The following PIEZO1 variants were observed in gnomAD, a reference collection of about 807,000 sequenced individuals.
The protein encoded by PIEZO1 is piezo-type mechanosensitive ion channel component 1.
PIEZO1 carries 296 observed loss-of-function variants against 297.2 expected under a neutral mutation model. The observed-to-expected ratio is 1.00, with a 90% CI of 0.91 to 1.10. The LOEUF (loss-of-function observed/expected upper bound fraction) is 1.10. PIEZO1 is among the 50% of genes least tolerant of loss of function. PIEZO1 has a pLI of 0.00. For missense variants in PIEZO1, 5,018 were observed against 3,455.5 expected (o/e 1.45, Z -11.34); for synonymous variants, 2,427 against 1,507.5 (o/e 1.61, Z -14.13).
At chr16:88,758,607 G>A (rs1353261503) in intron 1 of PIEZO1, among the ~76,000 whole-genome samples, 2 of 152,218 alleles carry the variant, frequency 1.3e-5, no homozygotes, top group African/African-American at 4.8e-5. Context: ...GAACAGCCTC[G>A]GCACCCACCT....
chr16:88,743,487 A>G (rs1437284287), intron 2 of PIEZO1: 3 of 452,552 alleles, frequency 6.6e-6, no homozygotes, highest in Non-Finnish European at 1.3e-5. Context: ...GAGCTCAGGG[A>G]CAGGTAGCAT....
chr16:88,766,382 C>T (rs1426068870), intron 1 of PIEZO1, among the ~76,000 whole-genome samples: 4 of 152,190 alleles, frequency 2.6e-5, no homozygotes, highest in Non-Finnish European at 4.4e-5. Context: ...GAACTTCAGA[C>T]GTGACAGCCC....
At chr16:88,750,506 C>T (rs1906334593) in intron 1 of PIEZO1, among the ~76,000 whole-genome samples, 1 of 152,254 alleles carries the variant, frequency 6.6e-6, no homozygotes, top group Admixed American at 6.5e-5. Flanking sequence ...TCCTGCCTGT[C>T]CCAGAAGGTC....
intron 1 of PIEZO1, among the ~76,000 whole-genome samples, chr16:88,757,256 C>T (rs1414808476): frequency 2.1e-5 from 3 of 142,288 alleles, no homozygotes; most frequent in Non-Finnish European, 4.5e-5. Context: ...GGAGGGACCT[C>T]GAGAGAGCTG....
chr16:88,759,327 AAGGGGCCGGGTG>A (rs1395204459), intron 1 of PIEZO1, among the ~76,000 whole-genome samples: 9 of 152,182 alleles, frequency 5.9e-5, no homozygotes, highest in African/African-American at 2.2e-4. Context: ...GAAGCTCTGA[AAGGGGCCGGGTG>A]AGGGCAGGCG....
rs1462890683 is a variant in PIEZO1 at position 88,726,335 on chromosome 16, T to G, written c.3917A>C (p.Tyr1306Ser). ...LLQRRVFLSH[Y>S]YLHVRADLQA... is the part of the protein sequence containing the mutation. ...GAGGTCGGCCCTGACGTGCAGGTAG[T>G]AATGGCTAAGGAAGACGCGGCGCTG... Residue 1306 changes from tyrosine (Y) to serine (S), a missense_variant, in exon 27 of 51, where the codon TAC becomes TCC. Coordinates refer to ENST00000301015, the MANE Select transcript of PIEZO1 (RefSeq NM_001142864.4). The G allele has an allele frequency of 6.5e-7, 1 of 1,550,314 alleles. No homozygotes were observed. The highest frequency in any genetic ancestry group is 8.7e-7 in the Non-Finnish European group (1 of 1,146,926).
intron 44 of PIEZO1, 171 bp downstream of exon 44, chr16:88,719,403 A>C (rs1158314357): frequency 4.8e-6 from 3 of 628,388 alleles, no homozygotes; most frequent in Non-Finnish European, 8.3e-6. Flanking sequence ...GCAGCTGCCA[A>C]GATCACTGGC....
rs1248010057 is a variant in PIEZO1 at position 88,721,368 on chromosome 16, C to G, written c.5466G>C (p.Glu1822Asp). Residue 1822 changes from glutamate (E) to aspartate (D), a missense_variant, in exon 39 of 51, where the codon GAG (glutamate) becomes GAC (aspartate). By Grantham distance (45) the Glu-to-Asp change is conservative. Coordinates refer to ENST00000301015, the MANE Select transcript of PIEZO1 (RefSeq NM_001142864.4). The part of the protein sequence containing the change: ...SPSKEHDKSG[E>D]EEQGAEEGPG... ...GCCCCTCCTCGGCTCCCTGCTCCTC[C>G]TCGCCGCTCTTGTCATGCTCCTTGG... 2.6e-6 allele frequency: 4 copies of G among 1,549,458 alleles called. No individual in the cohort carries two copies.
chr16:88,743,672 T>A (rs1905850538), intron 2 of PIEZO1: 1 of 456,388 alleles, frequency 2.2e-6, no homozygotes, highest in African/African-American at 2.0e-5. Context: ...GAGCAAAGAC[T>A]CATGACCCAC....
chr16:88,743,237 C>G (rs781083997), intron 2 of PIEZO1: 18 of 456,430 alleles, frequency 3.9e-5, no homozygotes, highest in Admixed American at 2.3e-5. Context: ...GGAGCCCTGG[C>G]TTCACCTCTG....
intron 22 of PIEZO1, among the ~76,000 whole-genome samples, chr16:88,730,088 C>T (rs1489477139): frequency 2.0e-5 from 3 of 152,354 alleles, no homozygotes; most frequent in African/African-American, 4.8e-5. Context: ...GAGCTGGCCT[C>T]GGTGATGCTC....
rs146461014 is a variant in PIEZO1, at chr16:88,758,008, C to T, written c.65-8529G>A. Among the ~76,000 whole-genome samples, 457 of 152,282 alleles carry T rather than the reference C, an allele frequency of 3.0e-3. 2 individuals are homozygous for T. The highest frequency in any genetic ancestry group is 0.011 in the African/African-American group (437 of 41,552). ...CCCTCTGTGCCTCTACTTCTCTGCC[C>T]TGACCTAACTGGCAGAGAGGATATA... On this transcript the variant is annotated intron_variant, in intron 1 of 50. Coordinates refer to ENST00000301015, the MANE Select transcript of PIEZO1 (RefSeq NM_001142864.4).
Position 88,717,101 on chromosome 16 carries a change from C to T in PIEZO1, c.6582G>A (p.Met2194Ile), listed in dbSNP as rs184095766. The T allele has an allele frequency of 6.5e-5, 101 of 1,551,368 alleles. No individual in the cohort carries two copies. Among genetic ancestry groups the T allele is most frequent in the Non-Finnish European group, 8.6e-5 (99 of 1,147,182 alleles). The change falls in exon 45 of 51, where the codon ATG becomes ATA. Residue 2194 changes from methionine to isoleucine, a missense_variant. Met to Ile is a conservative substitution (Grantham distance 10). Coordinates refer to ENST00000301015, the MANE Select transcript of PIEZO1 (RefSeq NM_001142864.4). The stretch of plus-strand genomic sequence containing the variant: ...CCCCAACCACGGAGCGCACCAGCGA[C>T]ATGAAGAGCAGTGGGAACCAGATGA... Reference protein sequence around the residue: ...IAIIWFPLLFMSLVRSVVGVV... With the variant: ...IAIIWFPLLFISLVRSVVGVV...
At chr16:88,717,432 G>C (rs913024253) in intron 44 of PIEZO1, 2 of 641,596 alleles carry the variant, frequency 3.1e-6, no homozygotes, top group African/African-American at 3.6e-5. Context: ...AGGGAGCTGT[G>C]ACCGTTCAGT....
chr16:88,761,202 G>A (rs569064859), intron 1 of PIEZO1, among the ~76,000 whole-genome samples: 17 of 152,306 alleles, frequency 1.1e-4, no homozygotes, highest in African/African-American at 3.8e-4. Flanking sequence ...GCGGGGCAAA[G>A]CCCACAGGGT....
rs1194645371 is a variant in PIEZO1 at position 88,715,630 on chromosome 16, A to G, written c.7541T>C (p.Ile2514Thr). ...CTACTCCTTCTCACGAGTCCACTTG[A>G]TCATGGTCTCCGGTGAGCGGTAGAG... ...IFLYRSPETM[I>T]KWTREKE Residue 2514 changes from isoleucine to threonine, a missense_variant, in exon 51 of 51, where the codon ATC (isoleucine) becomes ACC (threonine). By Grantham distance (89) the Ile-to-Thr change is moderately conservative (BLOSUM62 -1). Coordinates refer to ENST00000301015, the MANE Select transcript of PIEZO1 (RefSeq NM_001142864.4). 1 of 1,549,902 alleles carries G rather than the reference A, an allele frequency of 6.5e-7. No homozygotes were observed. The highest frequency in any genetic ancestry group is 1.4e-5 in the African/African-American group (1 of 73,004).
chr16:88,754,868 G>A (rs796405336), intron 1 of PIEZO1, among the ~76,000 whole-genome samples: 12 of 152,250 alleles, frequency 7.9e-5, no homozygotes, highest in Non-Finnish European at 1.3e-4. Context: ...AGCAGGCAGA[G>A]ACGAGCTGGG....
intron 1 of PIEZO1, among the ~76,000 whole-genome samples, chr16:88,774,810 G>A (rs1285563322): frequency 2.0e-5 from 3 of 152,200 alleles, no homozygotes; most frequent in African/African-American, 7.2e-5. Context: ...GCGCAGGAGC[G>A]AACGGTGCCC....
intron 1 of PIEZO1, among the ~76,000 whole-genome samples, chr16:88,762,026 G>A (rs1259074814): frequency 6.6e-6 from 1 of 152,226 alleles, no homozygotes; most frequent in Non-Finnish European, 1.5e-5. Context: ...GCTTATCTGG[G>A]CAGCCATCTC....
Sources: gnomAD v4.1 joint callset for allele counts (sites outside exome capture counted in the v4.1 genomes callset) on GRCh38, gnomAD v4.1.1 for gene constraint, MANE v1.5 for transcripts, NCBI Gene and HGNC (gene_info 2026-07-23, HGNC 2026-07-21) for gene names.